The following IGF2BP2 variants were observed in gnomAD, a reference collection of about 807,000 sequenced individuals.
IGF2BP2 encodes insulin-like growth factor 2 mRNA-binding protein 2.
Under a neutral mutation model 75.8 loss-of-function variants are expected in IGF2BP2, and 17 were observed. That is an observed-to-expected ratio of 0.22 (90% CI 0.15 to 0.34). The LOEUF (loss-of-function observed/expected upper bound fraction) is 0.34, where lower values mean the gene tolerates loss of function less well. IGF2BP2 is among the 10% of genes least tolerant of loss of function. The pLI is 1.00. For synonymous variants in IGF2BP2, 288 were observed against 295.6 expected (o/e 0.97, Z 0.26); for missense variants, 516 against 772.4 (o/e 0.67, Z 3.93).
Position 185,823,188 on chromosome 3 carries a change from G to T in IGF2BP2, c.204C>A (p.Ile68=). ...TAGAGACTGAGTAATCAACTTCCAT[G>T]ATTTTCCCATGCAATTCCACTTTAC... ...LSGKVELHGK[I]MEVDYSVSKK... is the part of the protein sequence containing the mutation. The change falls in exon 2 of 16, where the codon ATC becomes ATA. Residue 68 remains isoleucine (I), a synonymous_variant. Transcript: ENST00000382199. The T allele has an allele frequency of 6.2e-7, 1 of 1,609,298 alleles. No individual in the cohort carries two copies. The highest frequency in any genetic ancestry group is 1.1e-5 in the South Asian group (1 of 90,326).
chr3:185,656,720 A>G (rs2149091148), intron 12 of IGF2BP2, among the ~76,000 whole-genome samples: 1 of 152,334 alleles, frequency 6.6e-6, no homozygotes, highest in South Asian at 2.1e-4. Flanking sequence ...GTGCTCAAGG[A>G]GGCAGGATGT....
chr3:185,723,899 A>G (rs908957432), intron 2 of IGF2BP2, among the ~76,000 whole-genome samples: 2 of 152,246 alleles, frequency 1.3e-5, no homozygotes, highest in African/African-American at 4.8e-5. Flanking sequence ...GTGATCCTGC[A>G]GAGAAAACAC....
At chr3:185,816,171 A>G (rs1740575170) in intron 2 of IGF2BP2, among the ~76,000 whole-genome samples, 1 of 151,742 alleles carries the variant, frequency 6.6e-6, no homozygotes, top group Non-Finnish European at 1.5e-5. Flanking sequence ...CATAGTCTTG[A>G]CCCGGGTGAC....
intron 2 of IGF2BP2, chr3:185,717,170 C>T (rs1272452890): frequency 5.4e-6 from 1 of 184,196 alleles, no homozygotes; most frequent in Non-Finnish European, 1.1e-5. Flanking sequence ...AGACTGGTTT[C>T]CTGAGGGCTG....
intron 2 of IGF2BP2, among the ~76,000 whole-genome samples, chr3:185,735,311 A>C (rs1728717623): frequency 6.6e-6 from 1 of 151,978 alleles, no homozygotes; most frequent in African/African-American, 2.4e-5. Context: ...ACACCAGGCT[A>C]ATTTTTGTAT....
chr3:185,768,886 A>G (rs2149735342), intron 2 of IGF2BP2, among the ~76,000 whole-genome samples: 1 of 152,228 alleles, frequency 6.6e-6, no homozygotes, highest in South Asian at 2.1e-4. Flanking sequence ...AATTAGCCAG[A>G]TGTGGTGGCA....
At chr3:185,665,913 G>C (rs1179149373) in intron 10 of IGF2BP2, among the ~76,000 whole-genome samples, 1 of 152,140 alleles carries the variant, frequency 6.6e-6, no homozygotes, top group East Asian at 1.9e-4. Context: ...GTTGCAGTGA[G>C]CCAAAATTGC....
chr3:185,700,409 T>G (rs933766047), intron 2 of IGF2BP2, among the ~76,000 whole-genome samples: 1 of 152,212 alleles, frequency 6.6e-6, no homozygotes, highest in Non-Finnish European at 1.5e-5. Context: ...CTTTAATGAC[T>G]ATACAGAATC....
rs560822724 is a variant in IGF2BP2 at position 185,750,115 on chromosome 3, G to T, written c.240-51768C>A. On this transcript the variant is annotated intron_variant, in intron 2 of 15. Coordinates refer to ENST00000382199, the MANE Select transcript of IGF2BP2 (RefSeq NM_006548.6). ...TGGGTGAATCTGGGGTGGGGCCTTAGAATTTGCATTTCTAACAAGGTCCCC... is the reference window on the plus strand; with the variant it reads ...TGGGTGAATCTGGGGTGGGGCCTTATAATTTGCATTTCTAACAAGGTCCCC... 1.1e-4 allele frequency among the ~76,000 whole-genome samples: 16 copies of T among 152,242 alleles called. 1 individual carries two copies. The highest frequency in any genetic ancestry group is 3.6e-4 in the African/African-American group (15 of 41,538).
intron 2 of IGF2BP2, among the ~76,000 whole-genome samples, chr3:185,744,852 T>G (rs2149589190): frequency 6.6e-6 from 1 of 152,334 alleles, no homozygotes; most frequent in Non-Finnish European, 1.5e-5. Context: ...TTTTGTATCT[T>G]TTTCTTAAAC....
intron 2 of IGF2BP2, among the ~76,000 whole-genome samples, chr3:185,764,189 T>C (rs1391508030): frequency 6.9e-6 from 1 of 144,518 alleles, no homozygotes; most frequent in Non-Finnish European, 1.6e-5. Flanking sequence ...ATCCATAAAG[T>C]AAATAAAAAT....
intron 2 of IGF2BP2, chr3:185,718,181 A>G (rs1364181388): frequency 1.3e-5 from 2 of 152,304 alleles, no homozygotes; most frequent in African/African-American, 2.4e-5. Flanking sequence ...TTGTTTCCCT[A>G]TTGTACACAG....
chr3:185,811,168 A>T (rs781366812), intron 2 of IGF2BP2, among the ~76,000 whole-genome samples: 7 of 152,148 alleles, frequency 4.6e-5, no homozygotes, highest in Admixed American at 1.3e-4. Context: ...ATAATGGAAA[A>T]AATAATTATT....
At chr3:185,798,201 G>GA (rs977786663) in intron 2 of IGF2BP2, among the ~76,000 whole-genome samples, 2 of 151,008 alleles carry the variant, frequency 1.3e-5, no homozygotes, top group African/African-American at 4.9e-5. Flanking sequence ...TGCCTCAAGA[G>GA]AAAAAAAAAT....
rs772894965 is a variant in IGF2BP2 at position 185,645,542 on chromosome 3, G to A, written c.1789C>T (p.Arg597Cys). 16 of 1,608,474 alleles carry A rather than the reference G, an allele frequency of 9.9e-6. No individual in the cohort carries two copies. Among genetic ancestry groups the A allele is most frequent in the South Asian group, 5.5e-5 (5 of 90,952 alleles). ...QKYPQGVASQ[R>C]SK The stretch of plus-strand genomic sequence containing the variant: ...TGCCTGTGGGAGCCTCACTTGCTGC[G>A]CTGTGAGGCGACTCCCTGAGGGTAT... Residue 597 changes from arginine to cysteine, a missense_variant, in exon 16 of 16, where the codon CGC (arginine) becomes TGC (cysteine). By Grantham distance (180) the Arg-to-Cys change is radical (BLOSUM62 -3). Around this residue, in one of 3 missense-constraint regions of IGF2BP2, gnomAD observed 129 missense variants for 230.5 expected, o/e 0.56. Coordinates refer to ENST00000382199, the MANE Select transcript of IGF2BP2 (RefSeq NM_006548.6). The surrounding 1 kb of genome is among the most constrained non-coding windows in gnomAD (Gnocchi z 4.9).
chr3:185,745,817 C>T (rs1018658925), intron 2 of IGF2BP2, among the ~76,000 whole-genome samples: 16 of 151,680 alleles, frequency 1.1e-4, no homozygotes, highest in African/African-American at 3.9e-4. Flanking sequence ...CGCACCATTT[C>T]GTATTGTGAA....
intron 10 of IGF2BP2, among the ~76,000 whole-genome samples, chr3:185,666,752 G>A (rs1289293213): frequency 6.6e-6 from 1 of 151,848 alleles, no homozygotes; most frequent in Non-Finnish European, 1.5e-5. Flanking sequence ...CACATAAAAA[G>A]AAAAATTAAG....
At chr3:185,685,391 T>A (rs1720980308) in intron 7 of IGF2BP2, among the ~76,000 whole-genome samples, 1 of 151,928 alleles carries the variant, frequency 6.6e-6, no homozygotes, top group South Asian at 2.1e-4. Context: ...TCCCAGGAAC[T>A]TGGATGAGAA....
intron 2 of IGF2BP2, among the ~76,000 whole-genome samples, chr3:185,721,763 A>G (rs914416383): frequency 2.0e-5 from 3 of 152,074 alleles, no homozygotes; most frequent in Non-Finnish European, 4.4e-5. Flanking sequence ...GTCATGAACC[A>G]GCCCACCTAG....
Sources: allele counts gnomAD v4.1 joint callset (sites outside exome capture counted in the v4.1 genomes callset), GRCh38; gene constraint gnomAD v4.1.1; regional missense constraint gnomAD v4.1.1; non-coding constraint Gnocchi (gnomAD v3.1); transcripts MANE v1.5; gene names NCBI Gene and HGNC (gene_info 2026-07-23, HGNC 2026-07-21).